The following MIR2052HG variants were observed in gnomAD, a reference collection of about 807,000 sequenced individuals.
MIR2052HG encodes MIR2052 host gene.
At chr8:74,738,373 A>G (rs1391006413) in intron 4 of MIR2052HG, among the ~76,000 whole-genome samples, 1 of 152,122 alleles carries the variant, frequency 6.6e-6, no homozygotes, top group Non-Finnish European at 1.5e-5. Context: ...ACTTATCTCC[A>G]TAAGTTTTAT....
chr8:74,620,226 C>T (rs1206894089), intron 2 of MIR2052HG, among the ~76,000 whole-genome samples: 2 of 152,218 alleles, frequency 1.3e-5, no homozygotes, highest in African/African-American at 2.4e-5. Flanking sequence ...GGATACAACC[C>T]ATCCTGGCTG....
At chr8:74,723,796 A>G (rs1809603954) in intron 4 of MIR2052HG, among the ~76,000 whole-genome samples, 1 of 152,202 alleles carries the variant, frequency 6.6e-6, no homozygotes, top group Non-Finnish European at 1.5e-5. Context: ...TCTTCATGTA[A>G]GTCAAAACTG....
At chr8:74,746,136 AT>A (rs770556549) in intron 4 of MIR2052HG, among the ~76,000 whole-genome samples, 1 of 152,146 alleles carries the variant, frequency 6.6e-6, no homozygotes, top group Non-Finnish European at 1.5e-5. Context: ...AATGAGATAG[AT>A]TCTCTCAATC....
chr8:74,651,636 T>C (rs1269183345), intron 2 of MIR2052HG, among the ~76,000 whole-genome samples: 2 of 152,192 alleles, frequency 1.3e-5, no homozygotes, highest in Non-Finnish European at 2.9e-5. Flanking sequence ...TCCCCAGTCC[T>C]GATTTTTTTC....
intron 2 of MIR2052HG, among the ~76,000 whole-genome samples, chr8:74,615,323 C>A (rs956895552): frequency 1.4e-4 from 22 of 152,220 alleles, no homozygotes; most frequent in African/African-American, 5.1e-4. Flanking sequence ...GAGAGTAGCT[C>A]ATCTTCACAT....
intron 2 of MIR2052HG, among the ~76,000 whole-genome samples, chr8:74,630,353 CA>C (rs1177577343): frequency 2.6e-5 from 4 of 151,886 alleles, no homozygotes; most frequent in African/African-American, 9.7e-5. Flanking sequence ...GGGCAAGAGA[CA>C]AGTCAGGCTT....
chr8:74,661,894 T>G (rs1161585626), intron 2 of MIR2052HG, among the ~76,000 whole-genome samples: 1 of 152,204 alleles, frequency 6.6e-6, no homozygotes, highest in Non-Finnish European at 1.5e-5. Flanking sequence ...TATGTCTGAT[T>G]CGTTGCTAAT....
At chr8:74,658,009 C>T (rs1366009597) in intron 2 of MIR2052HG, among the ~76,000 whole-genome samples, 1 of 152,202 alleles carries the variant, frequency 6.6e-6, no homozygotes, top group Non-Finnish European at 1.5e-5. Context: ...TAGTAATTTT[C>T]TCAGTTTTCC....
chr8:74,752,515 C>T (rs1436231383), exon 5 of MIR2052HG: 1 of 455,912 alleles, frequency 2.2e-6, no homozygotes, highest in Non-Finnish European at 4.4e-6. Context: ...CCCAGAGTTC[C>T]TGAAGAGTTC....
chr8:74,612,885 G>GT, exon 2 of MIR2052HG: 1 of 456,220 alleles, frequency 2.2e-6, no homozygotes, highest in South Asian at 1.5e-5. Context: ...AGAGACAAAG[G>GT]TGGCAGCTTT....
intron 4 of MIR2052HG, among the ~76,000 whole-genome samples, chr8:74,743,120 A>G (rs1317793085): frequency 6.6e-6 from 1 of 152,148 alleles, no homozygotes; most frequent in Non-Finnish European, 1.5e-5. Flanking sequence ...ACAAAAAAAC[A>G]GCAAGGAGGC....
At chr8:74,644,425 C>A (rs1487401841) in intron 2 of MIR2052HG, among the ~76,000 whole-genome samples, 1 of 152,164 alleles carries the variant, frequency 6.6e-6, no homozygotes, top group South Asian at 2.1e-4. Flanking sequence ...ACCATCTAGC[C>A]TCAGTGTGTA....
chr8:74,631,628 G>A (rs1277238228), intron 2 of MIR2052HG, among the ~76,000 whole-genome samples: 2 of 152,162 alleles, frequency 1.3e-5, no homozygotes, highest in Non-Finnish European at 2.9e-5. Context: ...TGGACCAGTA[G>A]TAATAACTTC....
chr8:74,732,453 T>C (rs1809702273), intron 4 of MIR2052HG, among the ~76,000 whole-genome samples: 1 of 152,146 alleles, frequency 6.6e-6, no homozygotes, highest in African/African-American at 2.4e-5. Context: ...TTTATATCCA[T>C]TCATTTATTT....
At chr8:74,634,486 C>T (rs1310675681) in intron 2 of MIR2052HG, among the ~76,000 whole-genome samples, 1 of 152,138 alleles carries the variant, frequency 6.6e-6, no homozygotes, top group East Asian at 1.9e-4. Flanking sequence ...AAAATAATTT[C>T]TTAATACATT....
At chr8:74,618,801 A>C (rs1338451733) in intron 2 of MIR2052HG, among the ~76,000 whole-genome samples, 3 of 152,212 alleles carry the variant, frequency 2.0e-5, no homozygotes, top group Admixed American at 6.5e-5. Flanking sequence ...CAGAGCAATT[A>C]GACAAAAGAA....
At chr8:74,733,616 C>A (rs1809718141) in intron 4 of MIR2052HG, among the ~76,000 whole-genome samples, 1 of 143,460 alleles carries the variant, frequency 7.0e-6, no homozygotes, top group East Asian at 2.0e-4. Context: ...ATGGCTGGGT[C>A]AAATGGTATT....
intron 4 of MIR2052HG, among the ~76,000 whole-genome samples, chr8:74,747,249 C>T (rs1250172395): frequency 6.6e-6 from 1 of 152,086 alleles, no homozygotes; most frequent in Non-Finnish European, 1.5e-5. Flanking sequence ...ATTTGTTGAC[C>T]TGGGAAAGCA....
chr8:74,602,865 C>CTTTCTTTCTTTCTTTCTTTG (rs879678607), intron 1 of MIR2052HG, among the ~76,000 whole-genome samples: 13 of 142,660 alleles, frequency 9.1e-5, no homozygotes, highest in African/African-American at 3.1e-4. Context: ...TTCTTTCTTT[C>CTTTCTTTCTTTCTTTCTTTG]TTTCTTTCTT....
Sources: allele counts gnomAD v4.1 joint callset (sites outside exome capture counted in the v4.1 genomes callset), GRCh38; gene constraint gnomAD v4.1.1; transcripts MANE v1.5; gene names NCBI Gene and HGNC (gene_info 2026-07-23, HGNC 2026-07-21).